COG6: variants seen among roughly 807,000 people sequenced by gnomAD.
COG6 encodes component of oligomeric golgi complex 6, also known as conserved oligomeric Golgi complex subunit 6.
Under a neutral mutation model 88.8 loss-of-function variants are expected in COG6, and 74 were observed. The observed-to-expected ratio is 0.83, with a 90% CI of 0.69 to 1.01. COG6 has a LOEUF of 1.01. Among genes scored for constraint, COG6 ranks in the 50% least tolerant of loss-of-function variants. COG6 has a pLI of 0.00. For synonymous variants in COG6, 286 were observed against 278.7 expected, an observed-to-expected ratio of 1.03 and a Z score of -0.26; for missense variants, 800 against 797.9, an observed-to-expected ratio of 1.00 and a Z score of -0.03.
rs1380886184 is a variant in COG6 at position 39,679,598 on chromosome 13, C to G, written c.601C>G (p.Arg201Gly). 4.4e-6 allele frequency: 7 copies of G among 1,604,862 alleles called. No homozygotes were observed. The highest frequency in any genetic ancestry group is 1.1e-5 in the South Asian group (1 of 90,884). ...TCATAATGATGTCAAAGTTCTCTTG[C>G]GTACAAATCAACAAACGGCAGGGTG... is the stretch of plus-strand genomic sequence containing the variant. ...QIHNDVKVLL[R>G]TNQQTAGLEI... The change falls in exon 6 of 19, where the codon CGT (arginine) becomes GGT (glycine). Residue 201 changes from arginine (R) to glycine (G), a missense_variant. By Grantham distance (125) the Arg-to-Gly change is moderately radical. Transcript: ENST00000455146.
intron 18 of COG6, among the ~76,000 whole-genome samples, chr13:39,765,399 T>C (rs545949724): frequency 4.6e-5 from 7 of 152,332 alleles, no homozygotes; most frequent in Admixed American, 6.5e-5. Context: ...ATTGGGTGAG[T>C]GGGATTCTGT....
intron 18 of COG6, among the ~76,000 whole-genome samples, chr13:39,729,511 T>C (rs919702626): frequency 6.6e-6 from 1 of 152,190 alleles, no homozygotes; most frequent in South Asian, 2.1e-4. Flanking sequence ...TAAATTATTC[T>C]TAATATATTA....
intron 18 of COG6, among the ~76,000 whole-genome samples, chr13:39,775,220 G>T (rs9548930): frequency 0.42 from 63,379 of 151,954 alleles, 13,593 homozygotes; most frequent in Admixed American, 0.57. Flanking sequence ...ACATAACCTA[G>T]TTTGTCTCAG....
intron 16 of COG6, among the ~76,000 whole-genome samples, chr13:39,723,857 C>A (rs1277837142): frequency 6.6e-6 from 1 of 151,938 alleles, no homozygotes; most frequent in African/African-American, 2.4e-5. Flanking sequence ...GTATAAATAG[C>A]AGTCATCTTC....
chr13:39,723,557 A>G lies in COG6; in HGVS notation c.1692+117A>G, dbSNP rs572880233. 261 of 686,874 alleles carry G rather than the reference A, an allele frequency of 3.8e-4. No individual in the cohort carries two copies. In the African/African-American group the frequency reaches 4.1e-3, roughly 11 times the overall value. The allele number at this position is 686,874 out of a possible 1,614,324, so 42.5% of individuals were successfully genotyped here. ...CATATTAGCTGTGTTCTCCTGGGAA[A>G]GTGACTTATTTTTCTGTATCTGTTT... On this transcript the variant is annotated intron_variant, in intron 16 of 18. Coordinates refer to ENST00000455146, the MANE Select transcript of COG6 (RefSeq NM_020751.3).
At chr13:39,667,979 A>G (rs920337765) in intron 4 of COG6, among the ~76,000 whole-genome samples, 7 of 152,178 alleles carry the variant, frequency 4.6e-5, no homozygotes, top group African/African-American at 1.7e-4. Context: ...AGAATTTTCT[A>G]TCCCTTACAA....
At chr13:39,759,495 A>G (rs1468648027) in intron 18 of COG6, among the ~76,000 whole-genome samples, 1 of 152,194 alleles carries the variant, frequency 6.6e-6, no homozygotes, top group African/African-American at 2.4e-5. Flanking sequence ...AGGTCAGTTA[A>G]TCTTTCCTAA....
intron 5 of COG6, among the ~76,000 whole-genome samples, chr13:39,679,196 A>G (rs192390065): frequency 5.3e-5 from 8 of 152,338 alleles, no homozygotes; most frequent in Admixed American, 5.2e-4. Context: ...GTAATACACA[A>G]TACTTTTTTT....
intron 18 of COG6, among the ~76,000 whole-genome samples, chr13:39,784,650 G>A (rs1881721140): frequency 6.6e-6 from 1 of 152,186 alleles, no homozygotes; most frequent in African/African-American, 2.4e-5. Context: ...TCCAGCTCCT[G>A]TTCTCTTAGA....
intron 13 of COG6, among the ~76,000 whole-genome samples, chr13:39,706,235 T>TTATATATATATATACTCCTTTA (rs1877893692): frequency 1.9e-5 from 2 of 106,448 alleles, no homozygotes; most frequent in African/African-American, 6.7e-5. Flanking sequence ...ATATACTCCT[T>TTATATATATATATACTCCTTTA]TATATATATA....
At chr13:39,721,826 C>A (rs904343766) in intron 15 of COG6, among the ~76,000 whole-genome samples, 5 of 152,040 alleles carry the variant, frequency 3.3e-5, no homozygotes, top group Non-Finnish European at 7.4e-5. Flanking sequence ...TAGTCAGATT[C>A]TCTTGTTTTT....
chr13:39,682,977 G>A lies in COG6; in HGVS notation c.788+713G>A, dbSNP rs547846967. On this transcript the variant is annotated intron_variant, in intron 8 of 18. Transcript: ENST00000455146. The stretch of plus-strand genomic sequence containing the variant: ...TTACCAAGGTAGTGCATCCTGCTTT[G>A]AATCATCCCTTTCAGAATCTGTTTA... 1.4e-4 allele frequency among the ~76,000 whole-genome samples: 21 copies of A among 152,156 alleles called. No homozygotes were observed. The South Asian group carries it at 2.5e-3, about 18-fold the overall frequency.
chr13:39,712,148 A>T (rs1334467216), intron 13 of COG6, among the ~76,000 whole-genome samples: 1 of 151,974 alleles, frequency 6.6e-6, no homozygotes, highest in Non-Finnish European at 1.5e-5. Flanking sequence ...GTGAGTCACC[A>T]TGCCCAGCCC....
At position 39,751,864 on chromosome 13, in the gene COG6, C is replaced by T. The variant is rs752149275; in HGVS notation, c.*771C>T. ...GCTCTAAGCATGTAGATAGCCTGAG[C>T]TGTGTCTAAGCCTGGTGTTTAAAGA... On this transcript the variant is annotated 3_prime_UTR_variant, in exon 19 of 19. Coordinates refer to ENST00000455146, the MANE Select transcript of COG6 (RefSeq NM_020751.3). 3.0e-4 allele frequency: 386 copies of T among 1,286,822 alleles called. 1 individual carries two copies. The highest frequency in any genetic ancestry group is 3.7e-4 in the Non-Finnish European group (362 of 988,492). The allele number at this position is 1,286,822 out of a possible 1,614,324, so 79.7% of individuals were successfully genotyped here. A position where few individuals can be genotyped will look rare whatever the true frequency, so the allele number is the denominator to read the frequency against.
chr13:39,779,143 C>G (rs757879131), intron 18 of COG6, among the ~76,000 whole-genome samples: 1 of 152,098 alleles, frequency 6.6e-6, no homozygotes, highest in Admixed American at 6.5e-5. Context: ...ATTTTTTCAC[C>G]AGTAAAATAG....
intron 13 of COG6, among the ~76,000 whole-genome samples, chr13:39,713,841 C>T (rs564204277): frequency 1.4e-4 from 21 of 152,316 alleles, no homozygotes; most frequent in Admixed American, 7.9e-4. Flanking sequence ...TATTTCTCCT[C>T]CTTAGATTTT....
intron 4 of COG6, among the ~76,000 whole-genome samples, chr13:39,676,351 A>G (rs553741416): frequency 2.6e-5 from 4 of 152,262 alleles, no homozygotes; most frequent in Admixed American, 2.0e-4. Context: ...TTTGAATAAG[A>G]CCTCAAAAGC....
chr13:39,710,040 TAAA>T (rs1187293290), intron 13 of COG6, among the ~76,000 whole-genome samples: 1 of 152,162 alleles, frequency 6.6e-6, no homozygotes, highest in Non-Finnish European at 1.5e-5. Context: ...ATTTTTAAAA[TAAA>T]AAAGCTTTCT....
intron 13 of COG6, 23 bp downstream of exon 13, chr13:39,699,641 T>C (rs1877466417): frequency 9.9e-7 from 1 of 1,009,996 alleles, no homozygotes; most frequent in African/African-American, 1.6e-5. Flanking sequence ...AATGTAATTA[T>C]TAAATTATGT....
Sources: gnomAD v4.1 joint callset for allele counts (sites outside exome capture counted in the v4.1 genomes callset) on GRCh38, gnomAD v4.1.1 for gene constraint, MANE v1.5 for transcripts, NCBI Gene and HGNC (gene_info 2026-07-23, HGNC 2026-07-21) for gene names.